GPC6: variants seen among roughly 807,000 people sequenced by gnomAD.
GPC6 encodes glypican-6.
Under a neutral mutation model 55.2 loss-of-function variants are expected in GPC6, and 14 were observed. The observed-to-expected ratio is 0.25, with a 90% CI of 0.17 to 0.40. The LOEUF (loss-of-function observed/expected upper bound fraction) is 0.40. Ranked by LOEUF, GPC6 falls within the 10% of genes least tolerant of loss-of-function variation. GPC6 has a pLI of 1.00. For missense variants in GPC6, 641 were observed against 708.5 expected, an observed-to-expected ratio of 0.90 and a Z score of 1.08; for synonymous variants, 278 against 259.6, an observed-to-expected ratio of 1.07 and a Z score of -0.68.
Position 93,292,875 on chromosome 13 carries a change from G to T in GPC6, c.160+65259G>T, listed in dbSNP as rs374340423. On this transcript the variant is annotated intron_variant, in intron 1 of 8. Coordinates refer to ENST00000377047, the MANE Select transcript of GPC6 (RefSeq NM_005708.5). ...ATTTTCTAGAAAACAATTTGAAATGGGTTGATAAAAGTTTATTTGCCTCAT... is the reference window on the plus strand; with the variant it reads ...ATTTTCTAGAAAACAATTTGAAATGTGTTGATAAAAGTTTATTTGCCTCAT... 3.3e-5 allele frequency among the ~76,000 whole-genome samples: 5 copies of T among 152,140 alleles called. No individual in the cohort carries two copies. The East Asian group carries it at 7.7e-4, about 23-fold the overall frequency.
chr13:93,580,599 CAT>C (rs527309912), intron 2 of GPC6, among the ~76,000 whole-genome samples: 21 of 152,128 alleles, frequency 1.4e-4, no homozygotes, highest in Non-Finnish European at 2.8e-4. Context: ...AAGTAAAACA[CAT>C]AAAAATAGGT....
chr13:93,894,994 T>C (rs1478772803), intron 3 of GPC6, among the ~76,000 whole-genome samples: 2 of 151,592 alleles, frequency 1.3e-5, no homozygotes, highest in African/African-American at 4.8e-5. Context: ...TTTATAACTT[T>C]CTTAATGTTG....
intron 4 of GPC6, among the ~76,000 whole-genome samples, chr13:94,051,806 G>C (rs541877692): frequency 7.2e-5 from 11 of 152,222 alleles, no homozygotes; most frequent in African/African-American, 2.6e-4. Context: ...ATTTGGGTTA[G>C]AAGTGATACA....
At chr13:94,203,180 A>G (rs1215592650) in intron 4 of GPC6, among the ~76,000 whole-genome samples, 2 of 151,616 alleles carry the variant, frequency 1.3e-5, no homozygotes, top group South Asian at 2.1e-4. Flanking sequence ...TTTTTAATCT[A>G]TCACTTTTGG....
At chr13:93,863,225 TG>T (rs1488368909) in intron 3 of GPC6, among the ~76,000 whole-genome samples, 2 of 151,740 alleles carry the variant, frequency 1.3e-5, no homozygotes, top group African/African-American at 4.8e-5. Flanking sequence ...AGTCTGTTTT[TG>T]TAAATGACAT....
At chr13:94,341,430 CAA>C (rs1878029076) in intron 6 of GPC6, among the ~76,000 whole-genome samples, 1 of 151,870 alleles carries the variant, frequency 6.6e-6, no homozygotes, top group African/African-American at 2.4e-5. Flanking sequence ...ACTAAAAATA[CAA>C]AAAATTAGCC....
At chr13:94,309,839 C>A (rs1876148114) in intron 6 of GPC6, among the ~76,000 whole-genome samples, 1 of 151,552 alleles carries the variant, frequency 6.6e-6, no homozygotes, top group Non-Finnish European at 1.5e-5. Flanking sequence ...CACCAACAAA[C>A]TCCCCTTAGA....
At chr13:93,688,082 C>T (rs992861830) in intron 2 of GPC6, among the ~76,000 whole-genome samples, 2 of 151,982 alleles carry the variant, frequency 1.3e-5, no homozygotes, top group Non-Finnish European at 2.9e-5. Flanking sequence ...TGGTTGGATT[C>T]CCAATTCATT....
chr13:94,023,719 C>A (rs966021382), intron 3 of GPC6, among the ~76,000 whole-genome samples: 5 of 151,898 alleles, frequency 3.3e-5, no homozygotes, highest in Admixed American at 1.3e-4. Context: ...GTAATGGAAA[C>A]AACCCAGATA....
At chr13:94,090,176 A>G (rs1854398) in intron 4 of GPC6, among the ~76,000 whole-genome samples, 120,573 of 151,796 alleles carry the variant, frequency 0.79, 48,199 homozygotes, top group South Asian at 0.88. Flanking sequence ...TGTCTTACAT[A>G]GTGGCAGGCA....
At chr13:94,228,550 T>C (rs1349893219) in intron 4 of GPC6, among the ~76,000 whole-genome samples, 1 of 152,058 alleles carries the variant, frequency 6.6e-6, no homozygotes, top group Non-Finnish European at 1.5e-5. Context: ...AGACTTAAAA[T>C]ATAATAAGGC....
At chr13:93,812,212 A>G (rs1654509461) in intron 2 of GPC6, among the ~76,000 whole-genome samples, 1 of 151,720 alleles carries the variant, frequency 6.6e-6, no homozygotes, top group South Asian at 2.1e-4. Flanking sequence ...AACATGGTGA[A>G]ACCCTGTCTC....
intron 2 of GPC6, among the ~76,000 whole-genome samples, chr13:93,689,987 G>A (rs1594374379): frequency 6.6e-6 from 1 of 152,070 alleles, no homozygotes; most frequent in Non-Finnish European, 1.5e-5. Flanking sequence ...CTACAGATCT[G>A]TAGTGATATA....
At chr13:93,249,730 A>G (rs1488098650) in intron 1 of GPC6, among the ~76,000 whole-genome samples, 3 of 152,230 alleles carry the variant, frequency 2.0e-5, no homozygotes, top group Non-Finnish European at 4.4e-5. Context: ...CGGGTGAGTC[A>G]TCATTCCTCA....
chr13:93,494,589 T>A (rs1880175898), intron 1 of GPC6, among the ~76,000 whole-genome samples: 1 of 152,192 alleles, frequency 6.6e-6, no homozygotes, highest in Non-Finnish European at 1.5e-5. Flanking sequence ...GTGATTTTAC[T>A]CGTTAGTTGA....
rs147130941 is a variant in GPC6 at position 93,443,838 on chromosome 13, A to G, written c.161-101425A>G. 1.0e-3 allele frequency among the ~76,000 whole-genome samples: 156 copies of G among 151,998 alleles called. 1 individual carries two copies. The highest frequency in any genetic ancestry group is 3.3e-3 in the African/African-American group (137 of 41,478). Reference sequence around the variant, plus strand: ...GTGTGAACTTGATTCTGAAGACATTAGAAAAGTATCTGTGATGTTTGATCA... The same window carrying G: ...GTGTGAACTTGATTCTGAAGACATTGGAAAAGTATCTGTGATGTTTGATCA... On this transcript the variant is annotated intron_variant, in intron 1 of 8. Coordinates refer to ENST00000377047, the MANE Select transcript of GPC6 (RefSeq NM_005708.5).
chr13:94,024,373 A>T (rs533850778), intron 3 of GPC6, among the ~76,000 whole-genome samples: 1 of 152,172 alleles, frequency 6.6e-6, no homozygotes, highest in East Asian at 1.9e-4. Flanking sequence ...ATAAAACACT[A>T]TGAAAAATAG....
chr13:94,005,722 G>A (rs912186704), intron 3 of GPC6, among the ~76,000 whole-genome samples: 1 of 152,088 alleles, frequency 6.6e-6, no homozygotes, highest in Non-Finnish European at 1.5e-5. Flanking sequence ...CTACAAAAAT[G>A]AGCCCTAGAA....
intron 6 of GPC6, among the ~76,000 whole-genome samples, chr13:94,363,520 A>G (rs933049018): frequency 6.6e-6 from 1 of 152,204 alleles, no homozygotes; most frequent in Non-Finnish European, 1.5e-5. Flanking sequence ...CCTACTCAAA[A>G]AGTTCAGAAG....
Sources: gnomAD v4.1 joint callset for allele counts (sites outside exome capture counted in the v4.1 genomes callset) on GRCh38, gnomAD v4.1.1 for gene constraint, MANE v1.5 for transcripts, NCBI Gene and HGNC (gene_info 2026-07-23, HGNC 2026-07-21) for gene names.